Variants in DGKB observed in about 807,000 individuals in gnomAD.
DGKB encodes the protein diacylglycerol kinase beta, also known as 90 kDa diacylglycerol kinase.
Under a neutral mutation model 114.3 loss-of-function variants are expected in DGKB, and 67 were observed. The observed-to-expected ratio is 0.59, with a 90% CI of 0.48 to 0.72. The LOEUF (loss-of-function observed/expected upper bound fraction) is 0.72, where lower values mean the gene tolerates loss of function less well. Ranked by LOEUF, DGKB falls within the 30% of genes least tolerant of loss-of-function variation. DGKB has a pLI of 0.00. For missense variants in DGKB, 907 were observed against 975.2 expected (o/e 0.93, Z 0.93); for synonymous variants, 398 against 323.1 (o/e 1.23, Z -2.49).
chr7:14,802,865 G>A (rs1354346549), intron 2 of DGKB, among the ~76,000 whole-genome samples: 1 of 151,962 alleles, frequency 6.6e-6, no homozygotes, highest in East Asian at 1.9e-4. Flanking sequence ...ATATTTATAT[G>A]TTCACATAGA....
At chr7:14,580,793 T>G (rs572292048) in intron 19 of DGKB, 69 bp downstream of exon 19, 1 of 1,104,782 alleles carries the variant, frequency 9.1e-7, no homozygotes. Context: ...TTCTTTTCTT[T>G]TCTTTTTGTT....
At chr7:14,159,772 A>G (rs1430713660) in intron 25 of DGKB, among the ~76,000 whole-genome samples, 3 of 152,122 alleles carry the variant, frequency 2.0e-5, no homozygotes. Context: ...TCCTGGGTTC[A>G]AGTGATTCTT....
At chr7:14,864,244 T>A (rs1024034104) in intron 1 of DGKB, among the ~76,000 whole-genome samples, 2 of 152,222 alleles carry the variant, frequency 1.3e-5, no homozygotes, top group African/African-American at 4.8e-5. Flanking sequence ...TGTGTTTTCC[T>A]AGTTGTGTTT....
chr7:14,928,108 A>C (rs1303795239), intron 1 of DGKB, among the ~76,000 whole-genome samples: 1 of 151,982 alleles, frequency 6.6e-6, no homozygotes, highest in African/African-American at 2.4e-5. Flanking sequence ...AACAAAATAC[A>C]TTTAAAATTC....
intron 20 of DGKB, among the ~76,000 whole-genome samples, chr7:14,526,012 A>G (rs1039064018): frequency 2.6e-5 from 4 of 152,166 alleles, no homozygotes; most frequent in Non-Finnish European, 4.4e-5. Context: ...ACTAATTTCT[A>G]TATTATATTT....
At chr7:14,823,283 C>G (rs1845201542) in intron 2 of DGKB, among the ~76,000 whole-genome samples, 1 of 151,824 alleles carries the variant, frequency 6.6e-6, no homozygotes, top group Admixed American at 6.6e-5. Flanking sequence ...AGACCTATTT[C>G]TGCTTAATTA....
intron 9 of DGKB, among the ~76,000 whole-genome samples, chr7:14,690,632 C>T (rs1031093496): frequency 5.9e-5 from 9 of 152,290 alleles, no homozygotes; most frequent in Non-Finnish European, 7.4e-5. Flanking sequence ...TACATAATTT[C>T]TGCGATTGCA....
chr7:14,602,528 G>A (rs922815471), intron 17 of DGKB, among the ~76,000 whole-genome samples: 3 of 152,134 alleles, frequency 2.0e-5, no homozygotes, highest in Admixed American at 6.6e-5. Context: ...CTTACGAATG[G>A]GATTAGTGAA....
chr7:14,323,923 C>T (rs753391610), intron 23 of DGKB, among the ~76,000 whole-genome samples: 3 of 152,060 alleles, frequency 2.0e-5, no homozygotes, highest in Non-Finnish European at 2.9e-5. Flanking sequence ...GATTTAATAC[C>T]AGGGTAATCA....
chr7:14,590,833 T>C (rs1350984389), intron 17 of DGKB, among the ~76,000 whole-genome samples: 4 of 152,128 alleles, frequency 2.6e-5, no homozygotes, highest in East Asian at 3.9e-4. Context: ...GATTTAATTA[T>C]ATTTTTTTCT....
chr7:14,251,752 C>CTTGT (rs1399209786), intron 23 of DGKB, among the ~76,000 whole-genome samples: 2 of 152,170 alleles, frequency 1.3e-5, no homozygotes, highest in Admixed American at 1.3e-4. Flanking sequence ...GAAGAACAGC[C>CTTGT]TTGTTAGGTA....
chr7:14,855,987 G>A (rs184706681), intron 1 of DGKB, among the ~76,000 whole-genome samples: 20 of 143,806 alleles, frequency 1.4e-4, no homozygotes, highest in East Asian at 2.3e-4. Flanking sequence ...TAGATAATGT[G>A]TATATATATA....
Position 14,297,735 on chromosome 7 carries a change from T to C in DGKB, c.2122+40780A>G, listed in dbSNP as rs545611634. Among the ~76,000 whole-genome samples, 303 of 152,162 alleles carry C rather than the reference T, an allele frequency of 2.0e-3. 2 individuals carry two copies. The highest frequency in any genetic ancestry group is 0.014 in the Middle Eastern group (4 of 294). Reference sequence around the variant, plus strand: ...TCAGGCAAGAGGAAGAAATAAAGGGTATTCAGATAGGAAGAGAGGAAATCA... The same window carrying C: ...TCAGGCAAGAGGAAGAAATAAAGGGCATTCAGATAGGAAGAGAGGAAATCA... On this transcript the variant is annotated intron_variant, in intron 23 of 25. Coordinates refer to ENST00000402815, the MANE Select transcript of DGKB (RefSeq NM_001350709.2).
chr7:14,693,518 T>G (rs1184168320), intron 9 of DGKB, among the ~76,000 whole-genome samples: 1 of 151,652 alleles, frequency 6.6e-6, no homozygotes, highest in Non-Finnish European at 1.5e-5. Context: ...ACCTGGCTCC[T>G]GCTGATACAG....
At position 14,502,070 on chromosome 7, in the gene DGKB, T is replaced by A. The variant is rs184377048; in HGVS notation, c.1771-23845A>T. ...ATTTTTTTCCCTACTTGTTCACACA[T>A]GTCATACCCCAGTGAAAGAGGAAGT... is the stretch of plus-strand genomic sequence containing the variant. On this transcript the variant is annotated intron_variant, in intron 20 of 25. Transcript: ENST00000402815. Among the ~76,000 whole-genome samples, 355 of 152,082 alleles carry A rather than the reference T, an allele frequency of 2.3e-3. 2 individuals are homozygous for A. The highest frequency in any genetic ancestry group is 8.1e-3 in the African/African-American group (336 of 41,534).
intron 1 of DGKB, among the ~76,000 whole-genome samples, chr7:14,939,032 T>C (rs1785417827): frequency 6.6e-6 from 1 of 152,014 alleles, no homozygotes; most frequent in Non-Finnish European, 1.5e-5. Context: ...CACATTGCTG[T>C]CCTATAAAGA....
At chr7:14,327,130 G>A (rs866695685) in intron 23 of DGKB, among the ~76,000 whole-genome samples, 3 of 151,896 alleles carry the variant, frequency 2.0e-5, no homozygotes, top group African/African-American at 4.8e-5. Flanking sequence ...GAATTGCAAC[G>A]GAAGTTAAAT....
intron 18 of DGKB, 47 bp downstream of exon 18, chr7:14,583,005 A>T: frequency 8.4e-7 from 1 of 1,189,504 alleles, no homozygotes; most frequent in African/African-American, 1.5e-5. Flanking sequence ...ACAGGATTTA[A>T]AGCTATTGCT....
At chr7:14,687,814 A>G (rs1821989599) in intron 9 of DGKB, among the ~76,000 whole-genome samples, 1 of 152,172 alleles carries the variant, frequency 6.6e-6, no homozygotes, top group Admixed American at 6.5e-5. Context: ...AAGAGCACAT[A>G]TGGAGTAAGT....
Sources: gnomAD v4.1 joint callset for allele counts (sites outside exome capture counted in the v4.1 genomes callset) on GRCh38, gnomAD v4.1.1 for gene constraint, MANE v1.5 for transcripts, NCBI Gene and HGNC (gene_info 2026-07-23, HGNC 2026-07-21) for gene names.